The following KAT2B variants were observed in gnomAD, a reference collection of about 807,000 sequenced individuals.
KAT2B encodes histone acetyltransferase KAT2B.
Under a neutral mutation model 105.9 loss-of-function variants are expected in KAT2B, and 36 were observed. The ratio of observed to expected loss-of-function variants is 0.34; its 90% CI spans 0.26 to 0.45. KAT2B has a LOEUF of 0.45. Among genes scored for constraint, KAT2B ranks in the 20% least tolerant of loss-of-function variants. The pLI is 1.00. For missense variants in KAT2B, 820 were observed against 1,021.6 expected, an observed-to-expected ratio of 0.80 and a Z score of 2.69; for synonymous variants, 397 against 377.9, an observed-to-expected ratio of 1.05 and a Z score of -0.59.
intron 9 of KAT2B, among the ~76,000 whole-genome samples, chr3:20,124,904 C>G (rs1699371759): frequency 6.6e-6 from 1 of 152,126 alleles, no homozygotes; most frequent in South Asian, 2.1e-4. Context: ...TTGCAAACCA[C>G]TAGGCAGATT....
At chr3:20,104,882 G>GTTTTTTTT (rs1419073499) in intron 5 of KAT2B, among the ~76,000 whole-genome samples, 1 of 88,034 alleles carries the variant, frequency 1.1e-5, no homozygotes. Flanking sequence ...TTTTTTTGTT[G>GTTTTTTTT]TTTTTTTGTT....
At chr3:20,041,448 A>C (rs1697717899) in intron 1 of KAT2B, among the ~76,000 whole-genome samples, 1 of 152,182 alleles carries the variant, frequency 6.6e-6, no homozygotes, top group Non-Finnish European at 1.5e-5. Flanking sequence ...CTCGAGGTGT[A>C]AACAGGATTT....
intron 7 of KAT2B, among the ~76,000 whole-genome samples, chr3:20,118,560 T>C (rs1419354520): frequency 6.7e-6 from 1 of 149,458 alleles, no homozygotes; most frequent in Non-Finnish European, 1.5e-5. Flanking sequence ...TCATCTCTAC[T>C]AAAAATACAA....
At chr3:20,058,599 T>C (rs192532272) in intron 1 of KAT2B, among the ~76,000 whole-genome samples, 7 of 152,274 alleles carry the variant, frequency 4.6e-5, no homozygotes, top group African/African-American at 1.7e-4. Context: ...CCCCACCCTG[T>C]ATACTTTCCT....
rs111443625 is a variant in KAT2B, at chr3:20,059,575, G to A, written c.304-12758G>A. Among the ~76,000 whole-genome samples the A allele has an allele frequency of 6.5e-3, 988 of 151,562 alleles. 9 individuals are homozygous for A. Among genetic ancestry groups the A allele is most frequent in the African/African-American group, 0.023 (938 of 41,310 alleles). On this transcript the variant is annotated intron_variant, in intron 1 of 17. Coordinates refer to ENST00000263754, the MANE Select transcript of KAT2B (RefSeq NM_003884.5). ...AAAAAATTAGCCAGGTGTGGTGGCG[G>A]GCGCCTGTAGTCCCAGCTACTTGGG...
At chr3:20,083,921 T>A (rs1018349846) in intron 2 of KAT2B, among the ~76,000 whole-genome samples, 3 of 152,008 alleles carry the variant, frequency 2.0e-5, no homozygotes, top group African/African-American at 7.3e-5. Flanking sequence ...CCTATTTTGT[T>A]GGGATAGGGA....
chr3:20,091,418 A>AT (rs1167102700), intron 2 of KAT2B, among the ~76,000 whole-genome samples: 14 of 151,216 alleles, frequency 9.3e-5, no homozygotes, highest in South Asian at 2.1e-4. Flanking sequence ...AAGTTTGTCC[A>AT]TTTTTTTTAT....
chr3:20,098,547 T>A (rs1698853096), intron 3 of KAT2B, among the ~76,000 whole-genome samples: 1 of 152,156 alleles, frequency 6.6e-6, no homozygotes, highest in Non-Finnish European at 1.5e-5. Context: ...TGCACACTTA[T>A]CCCAGCTTCA....
intron 1 of KAT2B, among the ~76,000 whole-genome samples, chr3:20,054,809 C>G (rs1367118365): frequency 1.3e-5 from 2 of 152,082 alleles, no homozygotes; most frequent in Non-Finnish European, 2.9e-5. Flanking sequence ...GTCATGTAAC[C>G]CAGGATTGGC....
At chr3:20,075,370 C>T (rs77851264) in intron 2 of KAT2B, among the ~76,000 whole-genome samples, 2 of 151,576 alleles carry the variant, frequency 1.3e-5, no homozygotes, top group African/African-American at 2.4e-5. Flanking sequence ...TCTTCACTCA[C>T]CAAGCAATTC....
chr3:20,063,499 G>A (rs773075158), intron 1 of KAT2B, among the ~76,000 whole-genome samples: 1 of 145,466 alleles, frequency 6.9e-6, no homozygotes, highest in Non-Finnish European at 1.5e-5. Flanking sequence ...GTGCAGTGGT[G>A]CGATCTCACC....
chr3:20,072,279 C>T, intron 1 of KAT2B, 54 bp from the exon 2 acceptor site: 2 of 1,573,954 alleles, frequency 1.3e-6, no homozygotes, highest in Non-Finnish European at 8.7e-7. Flanking sequence ...GTAAAACCAT[C>T]AGTCCACGGC....
chr3:20,092,922 G>A (rs6550340), intron 2 of KAT2B, among the ~76,000 whole-genome samples: 49,466 of 151,488 alleles, frequency 0.33, 9,070 homozygotes, highest in African/African-American at 0.51. Flanking sequence ...GGCTGGTCTC[G>A]AACTCCTGAC....
intron 3 of KAT2B, among the ~76,000 whole-genome samples, chr3:20,096,303 T>C (rs1438963440): frequency 1.3e-5 from 2 of 152,148 alleles, no homozygotes; most frequent in African/African-American, 2.4e-5. Flanking sequence ...CTCAGCTCCA[T>C]GTGGGTCACA....
chr3:20,126,253 T>C (rs1005550103), intron 10 of KAT2B, 140 bp downstream of exon 10: 1 of 680,256 alleles, frequency 1.5e-6, no homozygotes, highest in Non-Finnish European at 2.5e-6. Flanking sequence ...TTCACCAAGC[T>C]GATTTTCATG....
At chr3:20,110,069 A>G (rs1047924204) in intron 5 of KAT2B, among the ~76,000 whole-genome samples, 2 of 152,162 alleles carry the variant, frequency 1.3e-5, no homozygotes, top group Admixed American at 6.5e-5. Context: ...ATAAATTAAT[A>G]TTATTCCTCT....
At chr3:20,073,936 A>T (rs973449725) in intron 2 of KAT2B, among the ~76,000 whole-genome samples, 1 of 152,242 alleles carries the variant, frequency 6.6e-6, no homozygotes, top group African/African-American at 2.4e-5. Context: ...TTAGCCGAGC[A>T]GATTGTCTCC....
intron 2 of KAT2B, among the ~76,000 whole-genome samples, chr3:20,084,558 A>G (rs370110681): frequency 2.0e-5 from 3 of 152,176 alleles, no homozygotes; most frequent in African/African-American, 4.8e-5. Flanking sequence ...GAGAGATCAC[A>G]TATTGCATTA....
rs115456413 is a variant in KAT2B, at chr3:20,134,092, C to T, written c.1750-2850C>T. On this transcript the variant is annotated intron_variant, in intron 11 of 17. Coordinates refer to ENST00000263754, the MANE Select transcript of KAT2B (RefSeq NM_003884.5). ...TTGATTACTTATGGTGCCTTGAAGA[C>T]GTTTTAAAATTTGAAGTATTCTACT... is the stretch of plus-strand genomic sequence containing the variant. Among the ~76,000 whole-genome samples, 991 of 152,112 alleles carry T rather than the reference C, an allele frequency of 6.5e-3. 6 individuals carry two copies. The highest frequency in any genetic ancestry group is 0.018 in the African/African-American group (731 of 41,512).
Sources: gnomAD v4.1 joint callset for allele counts (sites outside exome capture counted in the v4.1 genomes callset) on GRCh38, gnomAD v4.1.1 for gene constraint, MANE v1.5 for transcripts, NCBI Gene and HGNC (gene_info 2026-07-23, HGNC 2026-07-21) for gene names.